DOCK9: variants seen among roughly 807,000 people sequenced by gnomAD.
DOCK9 encodes the protein dedicator of cytokinesis protein 9.
Under a neutral mutation model 263.3 loss-of-function variants are expected in DOCK9, and 89 were observed. The observed-to-expected ratio is 0.34, with a 90% CI of 0.28 to 0.40. DOCK9 has a LOEUF of 0.40. Ranked by LOEUF, DOCK9 falls within the 10% of genes least tolerant of loss-of-function variation. The pLI, the probability that DOCK9 is intolerant of heterozygous loss-of-function variation, is 1.00. For missense variants in DOCK9, 2,140 were observed against 2,603.4 expected, an observed-to-expected ratio of 0.82 and a Z score of 3.87; for synonymous variants, 976 against 973.1, an observed-to-expected ratio of 1.00 and a Z score of -0.06.
In DOCK9 at chr13:98,977,956, C is replaced by G; in HGVS notation, c.-47G>C. 1 of 1,538,600 alleles carries G rather than the reference C, an allele frequency of 6.5e-7. No individual in the cohort carries two copies. The highest frequency in any genetic ancestry group is 8.8e-7 in the Non-Finnish European group (1 of 1,140,816). Reference sequence around the variant, plus strand: ...AGAAAGTCTGCAACTGGAACAGCTGCGAGTCCCTGGCCGTGCAAGGCACAG... The same window carrying G: ...AGAAAGTCTGCAACTGGAACAGCTGGGAGTCCCTGGCCGTGCAAGGCACAG... On this transcript the variant is annotated 5_prime_UTR_variant, in exon 1 of 53. Coordinates refer to ENST00000682017, the MANE Select transcript of DOCK9 (RefSeq NM_001366683.2).
rs144870647 is a variant in DOCK9 at position 98,890,167 on chromosome 13, T to C, written c.1710-1456A>G. The stretch of plus-strand genomic sequence containing the variant: ...CTGCATTAGATATTCCTAATAGCTT[T>C]ATGTCATAAAAATATTTAATCAGCA... On this transcript the variant is annotated intron_variant, in intron 15 of 52. Coordinates refer to ENST00000682017, the MANE Select transcript of DOCK9 (RefSeq NM_001366683.2). 4.0e-3 allele frequency among the ~76,000 whole-genome samples: 616 copies of C among 152,324 alleles called. 5 individuals carry two copies. Among genetic ancestry groups the C allele is most frequent in the African/African-American group, 0.014 (590 of 41,570 alleles).
At chr13:98,887,125 T>TTATATATATATATATA (rs1160298057) in intron 18 of DOCK9, among the ~76,000 whole-genome samples, 7 of 102,540 alleles carry the variant, frequency 6.8e-5, no homozygotes, top group African/African-American at 1.9e-4. Context: ...ATACTATATT[T>TTATATATATATATATA]TATATATATA....
chr13:98,970,124 A>T (rs1377874855), intron 1 of DOCK9, among the ~76,000 whole-genome samples: 1 of 147,396 alleles, frequency 6.8e-6, no homozygotes, highest in African/African-American at 2.5e-5. Flanking sequence ...CTTCCCAAAT[A>T]GCTAGGACTA....
At chr13:98,896,586 C>T (rs970841965) in intron 15 of DOCK9, among the ~76,000 whole-genome samples, 2 of 152,096 alleles carry the variant, frequency 1.3e-5, no homozygotes, top group Non-Finnish European at 2.9e-5. Context: ...GCCCTCAGCT[C>T]TTTCACATTC....
chr13:99,069,591 T>C (rs948989765), intron 1 of DOCK9, among the ~76,000 whole-genome samples: 1 of 152,236 alleles, frequency 6.6e-6, no homozygotes, highest in African/African-American at 2.4e-5. Context: ...CTTGTCTTTA[T>C]AACTAGCTGT....
At chr13:98,837,250 G>A (rs1442022179) in intron 39 of DOCK9, among the ~76,000 whole-genome samples, 2 of 152,134 alleles carry the variant, frequency 1.3e-5, no homozygotes, top group Non-Finnish European at 1.5e-5. Flanking sequence ...TCCAGAGACC[G>A]TGTTTCCACC....
intron 27 of DOCK9, among the ~76,000 whole-genome samples, chr13:98,879,287 G>A (rs372419157): frequency 1.3e-5 from 2 of 152,082 alleles, no homozygotes; most frequent in African/African-American, 2.4e-5. Flanking sequence ...GGGGACCCAC[G>A]GTCAGAAAGG....
At chr13:99,050,307 G>A (rs1209281704) in intron 1 of DOCK9, among the ~76,000 whole-genome samples, 2 of 152,138 alleles carry the variant, frequency 1.3e-5, no homozygotes, top group African/African-American at 4.8e-5. Context: ...ACTTCCCCTT[G>A]CAGTGATACA....
intron 2 of DOCK9, among the ~76,000 whole-genome samples, chr13:98,933,215 G>A (rs1217417291): frequency 2.0e-5 from 3 of 152,006 alleles, no homozygotes; most frequent in Non-Finnish European, 4.4e-5. Flanking sequence ...CTAACATTAA[G>A]AAGAAAAACT....
Position 99,051,907 on chromosome 13 carries a change from A to G in DOCK9, c.129+34316T>C, listed in dbSNP as rs1024275667. On this transcript the variant is annotated intron_variant, in intron 1 of 32. Transcript: ENST00000427887. ...AACTCACAATCTGCTGAATTTCCTCATAACAAATTTGTTCACAAAAACACC... is the reference window on the plus strand; with the variant it reads ...AACTCACAATCTGCTGAATTTCCTCGTAACAAATTTGTTCACAAAAACACC... Among the ~76,000 whole-genome samples, 4 of 149,892 alleles carry G rather than the reference A, an allele frequency of 2.7e-5. No individual in the cohort carries two copies. In the East Asian group the frequency reaches 7.9e-4, roughly 30 times the overall value.
At chr13:98,855,710 A>G (rs2093690694) in intron 34 of DOCK9, among the ~76,000 whole-genome samples, 188 bp downstream of exon 34, 1 of 152,200 alleles carries the variant, frequency 6.6e-6, no homozygotes, top group South Asian at 2.1e-4. Flanking sequence ...GGTACTGGAA[A>G]CAGGAATCAG....
chr13:99,010,730 T>TAC (rs1884330373), intron 1 of DOCK9, among the ~76,000 whole-genome samples: 2 of 152,198 alleles, frequency 1.3e-5, no homozygotes, highest in African/African-American at 4.8e-5. Context: ...TCTCCTAATG[T>TAC]AGCGCCCACC....
intron 27 of DOCK9, among the ~76,000 whole-genome samples, chr13:98,877,077 C>T (rs191443433): frequency 2.6e-5 from 4 of 152,332 alleles, no homozygotes; most frequent in Admixed American, 6.5e-5. Context: ...CAAAAACAAA[C>T]CATTTCCCAG....
chr13:98,921,110 A>G, intron 6 of DOCK9, 22 bp from the exon 7 acceptor site: 1 of 1,582,582 alleles, frequency 6.3e-7, no homozygotes, highest in South Asian at 1.2e-5. Context: ...ATATACACAC[A>G]GCTATTCTTT....
intron 1 of DOCK9, among the ~76,000 whole-genome samples, chr13:99,037,657 T>C (rs565215550): frequency 1.3e-5 from 2 of 152,330 alleles, no homozygotes; most frequent in East Asian, 1.9e-4. Flanking sequence ...ATATAAAAAT[T>C]TGTACACAAA....
intron 1 of DOCK9, among the ~76,000 whole-genome samples, chr13:99,080,756 C>T (rs2042092134): frequency 6.6e-6 from 1 of 152,178 alleles, no homozygotes. Context: ...GTCACTGAAC[C>T]ACGTTTGACT....
In DOCK9 at chr13:98,794,344, C is replaced by T; in HGVS notation, c.*282G>A. 2.3e-6 allele frequency: 1 copy of T among 427,794 alleles called. No homozygotes were observed. Among genetic ancestry groups the T allele is most frequent in the Non-Finnish European group, 4.1e-6 (1 of 243,704 alleles). 26.5% of individuals were successfully genotyped at this position (427,794 alleles called of 1,614,324 possible). On this transcript the variant is annotated 3_prime_UTR_variant, in exon 53 of 53. Coordinates refer to ENST00000682017, the MANE Select transcript of DOCK9 (RefSeq NM_001366683.2). ...GGCCATCTATTCTAACACTACTCTG[C>T]AAGGAAGAATAAAATCTAAGTCCAG...
At chr13:98,900,779 G>GCAC (rs1305220671) in intron 13 of DOCK9, among the ~76,000 whole-genome samples, 1 of 152,328 alleles carries the variant, frequency 6.6e-6, no homozygotes, top group Non-Finnish European at 1.5e-5. Flanking sequence ...TAAGCATGCA[G>GCAC]CACCCAGGTC....
Position 98,797,110 on chromosome 13 carries a change from C to G in DOCK9, c.6156+5G>C. On this transcript the variant is annotated splice_donor_5th_base_variant and intron_variant, in intron 52 of 52. Transcript: ENST00000682017. The stretch of plus-strand genomic sequence containing the variant: ...CCAAGTTGTTGGAGCCAGTGCGGCC[C>G]TCACCTGCTCATGCATGATTTCAGA... 5 of 1,614,012 alleles carry G rather than the reference C, an allele frequency of 3.1e-6. No homozygotes were observed. The highest frequency in any genetic ancestry group is 4.2e-6 in the Non-Finnish European group (5 of 1,179,902).
Sources: allele counts gnomAD v4.1 joint callset (sites outside exome capture counted in the v4.1 genomes callset), GRCh38; gene constraint gnomAD v4.1.1; transcripts MANE v1.5; gene names NCBI Gene and HGNC (gene_info 2026-07-23, HGNC 2026-07-21).